Variants in KCNAB1 observed in about 807,000 individuals in gnomAD.
KCNAB1 encodes the protein voltage-gated potassium channel subunit beta-1.
Under a neutral mutation model 64.6 loss-of-function variants are expected in KCNAB1, and 35 were observed. That is an observed-to-expected ratio of 0.54 (90% CI 0.41 to 0.72). The LOEUF is 0.72. Among genes scored for constraint, KCNAB1 ranks in the 30% least tolerant of loss-of-function variants. The pLI, the probability that KCNAB1 is intolerant of heterozygous loss-of-function variation, is 0.00. For missense variants in KCNAB1, 401 were observed against 512.9 expected (o/e 0.78, Z 2.11); for synonymous variants, 177 against 183.8 (o/e 0.96, Z 0.30).
intron 1 of KCNAB1, among the ~76,000 whole-genome samples, chr3:156,409,714 C>A (rs762019569): frequency 6.6e-6 from 1 of 152,162 alleles, no homozygotes; most frequent in Non-Finnish European, 1.5e-5. Context: ...CAATGCCTGG[C>A]GCTCTAGTTA....
intron 1 of KCNAB1, among the ~76,000 whole-genome samples, chr3:156,294,137 G>T (rs946204464): frequency 7.2e-5 from 11 of 152,170 alleles, no homozygotes; most frequent in Non-Finnish European, 1.5e-4. Flanking sequence ...AGGTTTTTCT[G>T]GTGGCACAGC....
intron 1 of KCNAB1, among the ~76,000 whole-genome samples, chr3:156,263,189 T>C (rs1269529753): frequency 1.3e-5 from 2 of 151,942 alleles, no homozygotes; most frequent in African/African-American, 4.8e-5. Flanking sequence ...TTTCACTTTC[T>C]TTTTTAGTTT....
intron 1 of KCNAB1, among the ~76,000 whole-genome samples, chr3:156,147,964 C>CACACACACACACAT (rs1553808786): frequency 1.3e-5 from 2 of 151,286 alleles, no homozygotes; most frequent in African/African-American, 4.9e-5. Flanking sequence ...CACACACGCA[C>CACACACACACACAT]GCACACGCAC....
intron 1 of KCNAB1, among the ~76,000 whole-genome samples, chr3:156,154,055 C>T (rs568920256): frequency 1.3e-5 from 2 of 152,304 alleles, no homozygotes; most frequent in South Asian, 4.2e-4. Context: ...CAAAAAAGTT[C>T]TCCATGTGTT....
intron 8 of KCNAB1, among the ~76,000 whole-genome samples, chr3:156,481,228 G>C (rs1254921044): frequency 6.6e-6 from 1 of 152,038 alleles, no homozygotes; most frequent in African/African-American, 2.4e-5. Flanking sequence ...GAGTATTACT[G>C]TATCAATTAA....
intron 1 of KCNAB1, among the ~76,000 whole-genome samples, chr3:156,237,290 A>T (rs1716905661): frequency 6.6e-6 from 1 of 152,344 alleles, no homozygotes; most frequent in Non-Finnish European, 1.5e-5. Flanking sequence ...CTAAATGGAT[A>T]AAATTGCCAT....
At chr3:156,229,539 C>T (rs911139332) in intron 1 of KCNAB1, among the ~76,000 whole-genome samples, 3 of 152,014 alleles carry the variant, frequency 2.0e-5, no homozygotes, top group African/African-American at 7.3e-5. Context: ...ATGTTGGATG[C>T]ATTAGTGGAA....
chr3:156,294,717 T>C (rs1467500307), intron 1 of KCNAB1, among the ~76,000 whole-genome samples: 1 of 152,162 alleles, frequency 6.6e-6, no homozygotes, highest in Non-Finnish European at 1.5e-5. Context: ...CGAAAGTTAG[T>C]AGTAGCTAAT....
chr3:156,231,169 G>A (rs1716497976), intron 1 of KCNAB1, among the ~76,000 whole-genome samples: 1 of 152,134 alleles, frequency 6.6e-6, no homozygotes, highest in African/African-American at 2.4e-5. Context: ...GGGATTATTT[G>A]TAATCACATA....
At chr3:156,526,594 A>T (rs1718322416) in intron 12 of KCNAB1, among the ~76,000 whole-genome samples, 1 of 152,208 alleles carries the variant, frequency 6.6e-6, no homozygotes, top group Non-Finnish European at 1.5e-5. Context: ...CAAAGGCTAC[A>T]CACTGGGCAG....
At chr3:156,313,108 A>G (rs1722036762) in intron 1 of KCNAB1, among the ~76,000 whole-genome samples, 1 of 152,230 alleles carries the variant, frequency 6.6e-6, no homozygotes, top group Non-Finnish European at 1.5e-5. Context: ...GCAAACAGCA[A>G]TAGCTCAAAT....
At chr3:156,444,243 G>A (rs1374796318) in intron 2 of KCNAB1, among the ~76,000 whole-genome samples, 1 of 152,178 alleles carries the variant, frequency 6.6e-6, no homozygotes, top group Non-Finnish European at 1.5e-5. Flanking sequence ...GGCCACAGTA[G>A]GGTTGCTCAG....
intron 1 of KCNAB1, among the ~76,000 whole-genome samples, chr3:156,354,047 A>ATATATGTGTGTGTG (rs1553851297): frequency 5.8e-5 from 8 of 137,586 alleles, no homozygotes; most frequent in African/African-American, 2.2e-4. Context: ...GTGTATATAT[A>ATATATGTGTGTGTG]TGTGTGTGTG....
chr3:156,520,674 G>T (rs1289860553), intron 11 of KCNAB1, among the ~76,000 whole-genome samples: 2 of 152,180 alleles, frequency 1.3e-5, no homozygotes, highest in Non-Finnish European at 2.9e-5. Flanking sequence ...GGTGGTCCAA[G>T]TACATCAAGT....
At chr3:156,509,222 C>T (rs540436177) in intron 8 of KCNAB1, among the ~76,000 whole-genome samples, 13 of 152,262 alleles carry the variant, frequency 8.5e-5, no homozygotes, top group Middle Eastern at 3.4e-3. Context: ...TATAGGAAGA[C>T]GTTTGTATCC....
intron 1 of KCNAB1, among the ~76,000 whole-genome samples, chr3:156,326,021 C>T (rs1031119839): frequency 6.6e-6 from 1 of 152,202 alleles, no homozygotes; most frequent in Non-Finnish European, 1.5e-5. Context: ...CCAGTTCTCC[C>T]CTAGAGTGGA....
intron 1 of KCNAB1, among the ~76,000 whole-genome samples, chr3:156,142,287 A>T (rs1171732372): frequency 6.6e-6 from 1 of 152,156 alleles, no homozygotes; most frequent in East Asian, 1.9e-4. Context: ...TTTTCCTTTT[A>T]TGGATTGTGC....
At chr3:156,334,999 GA>G (rs1723590328) in intron 1 of KCNAB1, among the ~76,000 whole-genome samples, 1 of 152,216 alleles carries the variant, frequency 6.6e-6, no homozygotes, top group Non-Finnish European at 1.5e-5. Context: ...ATGCATGCTA[GA>G]GCCTGCTGCT....
At chr3:156,126,647 C>T (rs532753679) in intron 1 of KCNAB1, among the ~76,000 whole-genome samples, 1 of 152,294 alleles carries the variant, frequency 6.6e-6, no homozygotes, top group African/African-American at 2.4e-5. Context: ...AGCCTGGAGG[C>T]TCTGGGTAAG....
Sources: gnomAD v4.1 joint callset for allele counts (sites outside exome capture counted in the v4.1 genomes callset) on GRCh38, gnomAD v4.1.1 for gene constraint, MANE v1.5 for transcripts, NCBI Gene and HGNC (gene_info 2026-07-23, HGNC 2026-07-21) for gene names.